Variants in DRC9 observed in about 807,000 individuals in gnomAD.
DRC9 encodes dynein regulatory complex subunit 9, also known as dynein regulatory complex protein 9.
chr3:197,891,461 T>G, the DRC9 span: 1 of 1,585,706 alleles, frequency 6.3e-7, no homozygotes, highest in African/African-American at 1.3e-5. Flanking sequence ...TAACGCTCTT[T>G]AATTCCAAGA....
At chr3:197,953,507 G>A in the DRC9 span, 1 of 456,502 alleles carries the variant, frequency 2.2e-6, no homozygotes, top group Non-Finnish European at 4.4e-6. Flanking sequence ...ACCCCTTGGT[G>A]TCTTCAGTCT....
chr3:197,958,656 G>A, the DRC9 span: 1 of 152,334 alleles, frequency 6.6e-6, no homozygotes, highest in Admixed American at 6.5e-5. Flanking sequence ...GCAAAGCGGG[G>A]GAAAACAAAC....
At chr3:197,905,356 C>T in the DRC9 span, among the ~76,000 whole-genome samples, 154 of 152,168 alleles carry the variant, frequency 1.0e-3, no homozygotes, top group Non-Finnish European at 1.6e-3. Context: ...AGTATATACA[C>T]CTACTATGTG....
chr3:197,916,732 C>T, the DRC9 span, among the ~76,000 whole-genome samples: 3 of 152,026 alleles, frequency 2.0e-5, no homozygotes, highest in Non-Finnish European at 2.9e-5. Context: ...TTCTAAGTAA[C>T]CATTGGAAGA....
At chr3:197,913,818 G>C in the DRC9 span, 3 of 1,490,710 alleles carry the variant, frequency 2.0e-6, no homozygotes, top group South Asian at 3.4e-5. Flanking sequence ...TAGCTGAGAG[G>C]GGATCAGGAG....
chr3:197,901,071 A>G, the DRC9 span, among the ~76,000 whole-genome samples: 2 of 152,262 alleles, frequency 1.3e-5, no homozygotes, highest in South Asian at 4.1e-4. This position sits in a 1 kb window ranked among gnomAD's most constrained non-coding sequence, Gnocchi z 4.4. Flanking sequence ...ACTCTGTCTT[A>G]CACCCTAGGT....
the DRC9 span, among the ~76,000 whole-genome samples, chr3:197,897,291 T>A: frequency 6.6e-6 from 1 of 152,118 alleles, no homozygotes; most frequent in African/African-American, 2.4e-5. Flanking sequence ...GTTTGACAAT[T>A]AATATCTGGC....
chr3:197,913,981 T>G, the DRC9 span: 3 of 1,614,152 alleles, frequency 1.9e-6, no homozygotes, highest in Non-Finnish European at 2.5e-6. Flanking sequence ...ATTCTCCAAG[T>G]TGGATTTTGC....
the DRC9 span, among the ~76,000 whole-genome samples, chr3:197,955,592 A>G: frequency 6.6e-6 from 1 of 152,140 alleles, no homozygotes; most frequent in Non-Finnish European, 1.5e-5. Flanking sequence ...GCCGGTTCTT[A>G]CGGTATGTTC....
the DRC9 span, chr3:197,951,476 C>T: frequency 2.8e-5 from 20 of 721,612 alleles, no homozygotes; most frequent in Non-Finnish European, 4.2e-5. Flanking sequence ...TCTCAGCCTC[C>T]CGAGTAGCTG....
At chr3:197,950,147 GA>G in the DRC9 span, 1 of 1,231,806 alleles carries the variant, frequency 8.1e-7, no homozygotes, top group Non-Finnish European at 1.0e-6. Flanking sequence ...GGGCGGAGTC[GA>G]AAGATGTTTA....
the DRC9 span, among the ~76,000 whole-genome samples, chr3:197,893,501 C>A: frequency 6.6e-6 from 1 of 151,750 alleles, no homozygotes; most frequent in African/African-American, 2.4e-5. Flanking sequence ...TGATTGACAG[C>A]ACTAAATCCT....
the DRC9 span, chr3:197,913,733 G>T: frequency 2.4e-6 from 2 of 847,880 alleles, no homozygotes; most frequent in East Asian, 4.8e-5. Flanking sequence ...CCTCATTTAG[G>T]CTTTTATTTT....
At chr3:197,889,819 AGTCT>A in the DRC9 span, 1,708 of 1,347,038 alleles carry the variant, frequency 1.3e-3, 3 homozygotes, top group Non-Finnish European at 1.6e-3. Context: ...TCTGACAAAC[AGTCT>A]CTCTCCAGGA....
At chr3:197,916,146 A>G in the DRC9 span, 1 of 151,094 alleles carries the variant, frequency 6.6e-6, no homozygotes, top group African/African-American at 2.4e-5. Context: ...CTAACTTTTT[A>G]ATATTTTTAG....
the DRC9 span, among the ~76,000 whole-genome samples, chr3:197,909,712 G>A: frequency 2.0e-5 from 3 of 152,208 alleles, no homozygotes; most frequent in African/African-American, 7.2e-5. Context: ...CAAATACTAG[G>A]CCGGGTGCAG....
the DRC9 span, chr3:197,889,480 C>T: frequency 7.4e-7 from 1 of 1,358,076 alleles, no homozygotes; most frequent in Non-Finnish European, 1.0e-6. Context: ...TAGGAAACAA[C>T]CTGTAGATGA....
chr3:197,914,094 C>G, the DRC9 span: 1 of 1,475,506 alleles, frequency 6.8e-7, no homozygotes, highest in African/African-American at 1.4e-5. Flanking sequence ...TACCTCCATT[C>G]AGTTCAGTCA....
At chr3:197,889,527 C>G in the DRC9 span, 1 of 1,608,908 alleles carries the variant, frequency 6.2e-7, no homozygotes, top group Non-Finnish European at 8.5e-7. Flanking sequence ...TTAACTCTCT[C>G]CAAGTCCTTC....
Sources: gnomAD v4.1 joint callset for allele counts (sites outside exome capture counted in the v4.1 genomes callset) on GRCh38, gnomAD v4.1.1 for gene constraint, Gnocchi (gnomAD v3.1) non-coding constraint, MANE v1.5 for transcripts, NCBI Gene and HGNC (gene_info 2026-07-23, HGNC 2026-07-21) for gene names.